Variants in MOV10L1 observed in about 807,000 individuals in gnomAD.
MOV10L1 encodes Mov10 like RNA helicase 1, also known as RNA helicase Mov10l1.
MOV10L1 carries 110 observed loss-of-function variants against 143.8 expected under a neutral mutation model. That is an observed-to-expected ratio of 0.76 (90% CI 0.66 to 0.90). The LOEUF (loss-of-function observed/expected upper bound fraction) is 0.90, where lower values mean the gene tolerates loss of function less well. MOV10L1 is among the 40% of genes least tolerant of loss of function. MOV10L1 has a pLI of 0.00. For missense variants in MOV10L1, 1,406 were observed against 1,526.8 expected, an observed-to-expected ratio of 0.92 and a Z score of 1.32; for synonymous variants, 593 against 581.1, an observed-to-expected ratio of 1.02 and a Z score of -0.29.
chr22:50,107,401 T>C (rs2061901653), intron 3 of MOV10L1, among the ~76,000 whole-genome samples: 1 of 152,238 alleles, frequency 6.6e-6, no homozygotes, highest in Admixed American at 6.5e-5. Flanking sequence ...ATGGCTCACA[T>C]GTCGAATGTA....
rs559529455 is a variant in MOV10L1, at chr22:50,156,885, A to G, written c.3067-1172A>G. On this transcript the variant is annotated intron_variant, in intron 22 of 26. Transcript: ENST00000262794. ...TCAGTCGTCATGGGTACATACCCGG[A>G]AGTGGAATTGTTGGTAATTCTAGTC... Among the ~76,000 whole-genome samples, 338 of 152,352 alleles carry G rather than the reference A, an allele frequency of 2.2e-3. 4 individuals are homozygous for G. The highest frequency in any genetic ancestry group is 3.5e-3 in the Non-Finnish European group (240 of 68,036).
intron 3 of MOV10L1, 98 bp from the exon 4 acceptor site, chr22:50,108,038 G>A (rs6010173): frequency 0.015 from 15,560 of 1,072,678 alleles, 303 homozygotes; most frequent in East Asian, 0.064. Context: ...ATGTTCAAAT[G>A]TATCCTCAGG....
At chr22:50,144,651 G>A (rs887102171) in intron 18 of MOV10L1, among the ~76,000 whole-genome samples, 3 of 151,450 alleles carry the variant, frequency 2.0e-5, no homozygotes, top group Non-Finnish European at 4.4e-5. Flanking sequence ...GCATGATCTC[G>A]GCTCACTGCA....
At chr22:50,121,638 G>C (rs1216952261) in intron 10 of MOV10L1, among the ~76,000 whole-genome samples, 1 of 152,220 alleles carries the variant, frequency 6.6e-6, no homozygotes, top group African/African-American at 2.4e-5. Flanking sequence ...CTGTCCCCCA[G>C]TCACTTTGAG....
chr22:50,139,185 G>A (rs1309263810), intron 15 of MOV10L1, among the ~76,000 whole-genome samples: 3 of 151,996 alleles, frequency 2.0e-5, no homozygotes, highest in South Asian at 2.1e-4. Context: ...CAGGGCACGC[G>A]CAAAACATGG....
At chr22:50,128,327 G>T in intron 12 of MOV10L1, 89 bp from the exon 13 acceptor site, 1 of 755,408 alleles carries the variant, frequency 1.3e-6, no homozygotes, top group Admixed American at 2.5e-5. Flanking sequence ...TTAGCTCAGA[G>T]CTATAGAATG....
chr22:50,126,190 T>C lies in MOV10L1; in HGVS notation c.1748-12T>C. ...TGTTAGCTTTAAACATGGTAATATA[T>C]TTTTTAACTAGGTGATAAACTGATT... On this transcript the variant is annotated splice_polypyrimidine_tract_variant and intron_variant, in intron 11 of 26. Coordinates refer to ENST00000262794, the MANE Select transcript of MOV10L1 (RefSeq NM_018995.3). The C allele has an allele frequency of 6.6e-7, 1 of 1,514,708 alleles. No individual in the cohort carries two copies. Among genetic ancestry groups the C allele is most frequent in the East Asian group, 2.4e-5 (1 of 42,244 alleles). The allele number at this position is 1,514,708 out of a possible 1,614,324, so 93.8% of individuals were successfully genotyped here. A position where few individuals can be genotyped will look rare whatever the true frequency, so the allele number is the denominator to read the frequency against.
intron 19 of MOV10L1, chr22:50,147,252 G>A (rs2063179873): frequency 3.6e-6 from 2 of 559,870 alleles, no homozygotes; most frequent in Non-Finnish European, 6.4e-6. Flanking sequence ...GGCGCTCTGT[G>A]CAGAAGCAGG....
At position 50,090,173 on chromosome 22, in the gene MOV10L1, G is replaced by C. The variant is rs1237156816; in HGVS notation, c.85G>C (p.Glu29Gln). 1 of 1,418,336 alleles carries C rather than the reference G, an allele frequency of 7.1e-7. No homozygotes were observed. Among genetic ancestry groups the C allele is most frequent in the Admixed American group, 3.2e-5 (1 of 31,618 alleles). The allele number at this position is 1,418,336 out of a possible 1,614,324, so 87.9% of individuals were successfully genotyped here. A position where few individuals can be genotyped will look rare whatever the true frequency, so the allele number is the denominator to read the frequency against. The change falls in exon 1 of 27, where the codon GAG becomes CAG. Residue 29 changes from glutamate to glutamine, a missense_variant. By Grantham distance (29) the Glu-to-Gln change is conservative. Coordinates refer to ENST00000262794, the MANE Select transcript of MOV10L1 (RefSeq NM_018995.3). Reference protein sequence around the residue: ...PREEAGQLEPELAEGDTKLKT... With the variant: ...PREEAGQLEPQLAEGDTKLKT... ...GGAGGAAGCCGGGCAGCTGGAGCCC[G>C]AGCTCGCGGAAGGTGGCTCGCGGGA...
At chr22:50,128,015 G>T (rs553895693) in intron 12 of MOV10L1, among the ~76,000 whole-genome samples, 12 of 152,020 alleles carry the variant, frequency 7.9e-5, no homozygotes, top group Admixed American at 7.9e-4. Flanking sequence ...AAGGTGATCC[G>T]CCCACCTTGG....
intron 15 of MOV10L1, among the ~76,000 whole-genome samples, chr22:50,141,812 A>G (rs1210306228): frequency 6.6e-6 from 1 of 152,182 alleles, no homozygotes; most frequent in Non-Finnish European, 1.5e-5. Context: ...TAATAAAATA[A>G]AATTTAGTCC....
Position 50,113,636 on chromosome 22 carries a change from C to T in MOV10L1, c.744-12C>T. 6.2e-7 allele frequency: 1 copy of T among 1,611,824 alleles called. No individual in the cohort carries two copies. Among genetic ancestry groups the T allele is most frequent in the Non-Finnish European group, 8.5e-7 (1 of 1,179,038 alleles). On this transcript the variant is annotated splice_polypyrimidine_tract_variant and intron_variant, in intron 5 of 26. Transcript: ENST00000262794. ...GCTGCAGAGGGATGTCTTTCTGGGG[C>T]TCTTTTTTCAGAGACGCCGCCCCTG...
chr22:50,156,928 C>G (rs1311919923), intron 22 of MOV10L1, among the ~76,000 whole-genome samples: 5 of 152,150 alleles, frequency 3.3e-5, no homozygotes, highest in Non-Finnish European at 4.4e-5. Flanking sequence ...TTTGAGAAAC[C>G]ATCATCTTGC....
chr22:50,109,771 G>T, intron 5 of MOV10L1: 1 of 163,274 alleles, frequency 6.1e-6, no homozygotes, highest in Non-Finnish European at 1.4e-5. Flanking sequence ...GAGCCTAGGA[G>T]CTTGAGGCTG....
intron 19 of MOV10L1, among the ~76,000 whole-genome samples, chr22:50,148,778 C>G (rs1380913498): frequency 1.3e-5 from 2 of 152,066 alleles, no homozygotes; most frequent in Non-Finnish European, 2.9e-5. Context: ...ATTCTCCTGC[C>G]TCAGCTTCCC....
At position 50,161,405 on chromosome 22, in the gene MOV10L1, G is replaced by A. The variant is rs141090658; in HGVS notation, c.3592G>A (p.Val1198Met). Residue 1198 changes from valine (V) to methionine (M), a missense_variant, in exon 27 of 27, where the codon GTG becomes ATG. Around this residue, in one of 3 missense-constraint regions of MOV10L1, gnomAD observed 1,233 missense variants for 1,351.4 expected, o/e 0.91. Coordinates refer to ENST00000262794, the MANE Select transcript of MOV10L1 (RefSeq NM_018995.3). ...GGTGGCAGACCCCTCCTACCCAGTG[G>A]TGCCAGAATCCACAGGACCAGAGAA... ...EGVADPSYPV[V>M]PESTGPEKHQ... The A allele has an allele frequency of 3.1e-6, 5 of 1,601,784 alleles. No individual in the cohort carries two copies. In the African/African-American group the frequency reaches 6.7e-5, roughly 21 times the overall value.
At chr22:50,129,565 G>T (rs1203434178) in intron 13 of MOV10L1, among the ~76,000 whole-genome samples, 1 of 152,174 alleles carries the variant, frequency 6.6e-6, no homozygotes, top group Non-Finnish European at 1.5e-5. Context: ...GTTTGCTGCT[G>T]TTCCTAGAGC....
chr22:50,128,551 T>C (rs2062581153), intron 13 of MOV10L1, 44 bp downstream of exon 13: 2 of 806,276 alleles, frequency 2.5e-6, no homozygotes, highest in Non-Finnish European at 3.7e-6. Flanking sequence ...TTTTTTTTTT[T>C]TTTTTTTTTT....
intron 19 of MOV10L1, among the ~76,000 whole-genome samples, chr22:50,147,746 T>G (rs557914169): frequency 6.6e-6 from 1 of 152,358 alleles, no homozygotes; most frequent in East Asian, 1.9e-4. Context: ...AATACAGAAT[T>G]GAAACCTAAA....
Sources: gnomAD v4.1 joint callset for allele counts (sites outside exome capture counted in the v4.1 genomes callset) on GRCh38, gnomAD v4.1.1 for gene constraint, gnomAD v4.1.1 regional missense constraint, MANE v1.5 for transcripts, NCBI Gene and HGNC (gene_info 2026-07-23, HGNC 2026-07-21) for gene names.